Variants in TENM3 observed in about 807,000 individuals in gnomAD.
The protein encoded by TENM3 is teneurin transmembrane protein 3, also known as teneurin-3.
TENM3 carries 63 observed loss-of-function variants against 255.1 expected under a neutral mutation model. The observed-to-expected ratio is 0.25, with a 90% CI of 0.20 to 0.30. The LOEUF (loss-of-function observed/expected upper bound fraction) is 0.30, where lower values mean the gene tolerates loss of function less well. Among genes scored for constraint, TENM3 ranks in the 10% least tolerant of loss-of-function variants. TENM3 has a pLI of 1.00. For missense variants in TENM3, 2,929 were observed against 3,461.1 expected (o/e 0.85, Z 3.86); for synonymous variants, 1,306 against 1,322.3 (o/e 0.99, Z 0.27).
At chr4:182,192,466 C>G (rs1753586063) in intron 1 of TENM3, among the ~76,000 whole-genome samples, 1 of 152,098 alleles carries the variant, frequency 6.6e-6, no homozygotes, top group Non-Finnish European at 1.5e-5. Flanking sequence ...TCAGGTTTGA[C>G]CACTGTGGAA....
At position 182,247,925 on chromosome 4, in the gene TENM3, CT is replaced by C. The variant is rs538753796; in HGVS notation, c.-76+4450del. ...TGCAAAGCTCCCCACGCAAACTCTT[CT>C]GTGTTTCCTAAGCCATGAAGTACAA... On this transcript the variant is annotated intron_variant, in intron 1 of 27. Transcript: ENST00000511685. Among the ~76,000 whole-genome samples, 45 of 152,310 alleles carry C rather than the reference CT, an allele frequency of 3.0e-4. No individual in the cohort carries two copies. The South Asian group carries it at 9.1e-3, about 31-fold the overall frequency.
At chr4:182,700,884 C>T (rs1358638299) in intron 12 of TENM3, among the ~76,000 whole-genome samples, 1 of 152,010 alleles carries the variant, frequency 6.6e-6, no homozygotes, top group South Asian at 2.1e-4. Context: ...TGCATCAAAA[C>T]TATGCCTAGT....
intron 3 of TENM3, among the ~76,000 whole-genome samples, chr4:182,527,759 C>T (rs888181903): frequency 6.6e-6 from 1 of 151,830 alleles, no homozygotes; most frequent in Non-Finnish European, 1.5e-5. Context: ...GATGGAGTCT[C>T]GCTCTGTCAC....
the TENM3 span, among the ~76,000 whole-genome samples, chr4:181,530,685 C>T: frequency 6.6e-6 from 1 of 152,146 alleles, no homozygotes; most frequent in African/African-American, 2.4e-5. Flanking sequence ...ACATGTAATC[C>T]TCCAAACAGG....
chr4:182,648,337 G>A (rs1267537690), intron 5 of TENM3, among the ~76,000 whole-genome samples: 1 of 150,662 alleles, frequency 6.6e-6, no homozygotes, highest in African/African-American at 2.4e-5. Flanking sequence ...AGGCTGGAGT[G>A]CAGTGGCATG....
intron 18 of TENM3, among the ~76,000 whole-genome samples, chr4:182,739,890 G>A (rs1306855298): frequency 1.3e-5 from 2 of 152,094 alleles, no homozygotes; most frequent in African/African-American, 2.4e-5. Context: ...ACAAAAATTA[G>A]CCATGTGTGG....
At chr4:182,575,210 C>G (rs1580989726) in intron 3 of TENM3, among the ~76,000 whole-genome samples, 1 of 152,066 alleles carries the variant, frequency 6.6e-6, no homozygotes, top group Non-Finnish European at 1.5e-5. Flanking sequence ...CAAGATGTTA[C>G]CATTGGGAGA....
intron 3 of TENM3, among the ~76,000 whole-genome samples, chr4:182,482,081 A>G (rs1300461625): frequency 1.3e-5 from 2 of 152,156 alleles, no homozygotes; most frequent in Non-Finnish European, 2.9e-5. Flanking sequence ...TTACCTATGA[A>G]CCTAAAACAA....
chr4:182,438,046 C>A (rs1194405007), intron 3 of TENM3, among the ~76,000 whole-genome samples: 1 of 152,078 alleles, frequency 6.6e-6, no homozygotes, highest in Non-Finnish European at 1.5e-5. Flanking sequence ...TTAAAGGTTG[C>A]AAGTGATCTG....
At chr4:182,649,256 G>T (rs1008236744) in intron 5 of TENM3, among the ~76,000 whole-genome samples, 3 of 150,164 alleles carry the variant, frequency 2.0e-5, no homozygotes. Context: ...TTAACATTTG[G>T]ACAACTTCTT....
the TENM3 span, among the ~76,000 whole-genome samples, chr4:181,719,286 A>T: frequency 6.6e-6 from 1 of 152,092 alleles, no homozygotes; most frequent in Admixed American, 6.5e-5. Flanking sequence ...AGGCATCAGG[A>T]TTCTCCTTAG....
the TENM3 span, among the ~76,000 whole-genome samples, chr4:181,946,400 A>G: frequency 6.6e-6 from 1 of 152,318 alleles, no homozygotes; most frequent in East Asian, 1.9e-4. Flanking sequence ...TCAGTTTATC[A>G]GAATCCACTC....
intron 3 of TENM3, among the ~76,000 whole-genome samples, chr4:182,468,646 C>G (rs1732817211): frequency 6.6e-6 from 1 of 152,090 alleles, no homozygotes; most frequent in Admixed American, 6.5e-5. Context: ...ATAAAACATT[C>G]CCTTGTTATG....
intron 12 of TENM3, among the ~76,000 whole-genome samples, chr4:182,708,615 CG>C (rs1237689747): frequency 6.6e-6 from 1 of 152,016 alleles, no homozygotes; most frequent in East Asian, 1.9e-4. Flanking sequence ...CTGGCTAACA[CG>C]GTGAAACCCC....
the TENM3 span, among the ~76,000 whole-genome samples, chr4:181,498,410 A>G: frequency 7.2e-4 from 110 of 152,326 alleles, no homozygotes; most frequent in Non-Finnish European, 1.2e-3. Flanking sequence ...GACTCCACTC[A>G]GTTCTAAACA....
the TENM3 span, among the ~76,000 whole-genome samples, chr4:181,576,184 T>C: frequency 2.0e-5 from 3 of 152,290 alleles, no homozygotes; most frequent in East Asian, 5.8e-4. Context: ...AGCTCCCACT[T>C]AGAAGTGAGA....
At chr4:182,303,199 A>C (rs1366487201) in intron 1 of TENM3, among the ~76,000 whole-genome samples, 8 of 152,268 alleles carry the variant, frequency 5.3e-5, no homozygotes, top group Admixed American at 3.3e-4. Context: ...TAGCTTGTTG[A>C]AATTAGGATA....
intron 12 of TENM3, among the ~76,000 whole-genome samples, chr4:182,689,354 A>G (rs143149286): frequency 0.013 from 2,009 of 152,108 alleles, 22 homozygotes; most frequent in Middle Eastern, 0.11. Context: ...TGCTCACAGG[A>G]TTTGGTTAGC....
chr4:182,079,275 G>C, the TENM3 span, among the ~76,000 whole-genome samples: 1 of 152,130 alleles, frequency 6.6e-6, no homozygotes, highest in East Asian at 1.9e-4. Flanking sequence ...CTAGCACTTT[G>C]GGAGGCCGAG....
Sources: gnomAD v4.1 joint callset for allele counts (sites outside exome capture counted in the v4.1 genomes callset) on GRCh38, gnomAD v4.1.1 for gene constraint, MANE v1.5 for transcripts, NCBI Gene and HGNC (gene_info 2026-07-23, HGNC 2026-07-21) for gene names.